IL11RA: variants seen among roughly 807,000 people sequenced by gnomAD.
IL11RA encodes interleukin 11 receptor subunit alpha, also known as interleukin-11 receptor subunit alpha.
IL11RA carries 51 observed loss-of-function variants against 57.0 expected under a neutral mutation model. That is an observed-to-expected ratio of 0.89 (90% CI 0.71 to 1.13). The LOEUF (loss-of-function observed/expected upper bound fraction) is 1.13. IL11RA is among the 50% of genes most tolerant of loss of function. The pLI, the probability that IL11RA is intolerant of heterozygous loss-of-function variation, is 0.00. For synonymous variants in IL11RA, 199 were observed against 217.5 expected (o/e 0.91, Z 0.75); for missense variants, 498 against 539.4 (o/e 0.92, Z 0.76).
chr9:34,659,077 G>A (rs1159535411), intron 8 of IL11RA, among the ~76,000 whole-genome samples: 7 of 151,960 alleles, frequency 4.6e-5, no homozygotes, highest in African/African-American at 1.5e-4. Context: ...GGTGCCCGCC[G>A]CCATGCCTGG....
chr9:34,655,858 G>T (rs1267988560), intron 3 of IL11RA, 193 bp downstream of exon 3: 5 of 654,140 alleles, frequency 7.6e-6, no homozygotes, highest in Non-Finnish European at 8.4e-6. Context: ...CCAAGTGCCA[G>T]GTCTATTCTA....
In IL11RA at chr9:34,661,520, A is replaced by C. The variant is rs1821456507; in HGVS notation, c.*22A>C. The stretch of plus-strand genomic sequence containing the variant: ...GTAGAGGACCCAGGAGGGCTTCGGC[A>C]GATTCCACCTATAATTCTGTCTTGC... On this transcript the variant is annotated 3_prime_UTR_variant, in exon 13 of 13. Coordinates refer to ENST00000441545, the MANE Select transcript of IL11RA (RefSeq NM_001142784.3). The C allele has an allele frequency of 1.9e-6, 3 of 1,612,952 alleles. No homozygotes were observed. Among genetic ancestry groups the C allele is most frequent in the Non-Finnish European group, 2.5e-6 (3 of 1,179,012 alleles).
chr9:34,657,224 G>T (rs951958006), intron 5 of IL11RA, 75 bp downstream of exon 5: 1 of 1,609,860 alleles, frequency 6.2e-7, no homozygotes, highest in Admixed American at 1.7e-5. Context: ...AGGCAGGGAG[G>T]TAGGTTCTGA....
rs574224822 is a variant in IL11RA at position 34,659,852 on chromosome 9, G to GGCACCTGGA, written c.916_924dup (p.Thr306_Ser308dup). ...CAGTGCCCGGGACTTTCTAGATGCT[G>GGCACCTGGA]GCACCTGGAGCACCTGGAGCCCGGA... is the stretch of plus-strand genomic sequence containing the variant. On this transcript the variant is annotated inframe_insertion, in exon 9 of 13. Transcript: ENST00000441545. 158 of 1,614,084 alleles carry GGCACCTGGA rather than the reference G, an allele frequency of 9.8e-5. No individual in the cohort carries two copies. Among genetic ancestry groups the GGCACCTGGA allele is most frequent in the Non-Finnish European group, 1.3e-4 (151 of 1,180,046 alleles).
rs892969541 is a variant in IL11RA, at chr9:34,653,265, G to C, written c.-1+1032G>C. On this transcript the variant is annotated intron_variant, in intron 1 of 12. Transcript: ENST00000441545. The surrounding 1 kb of genome is among the most constrained non-coding windows in gnomAD (Gnocchi z 4.5). ...GTGTAAGTGTGTCTGAGTCTGAGGC[G>C]GTGTGGCTGTGCCCGTGTGACTGTG... 3.3e-5 allele frequency among the ~76,000 whole-genome samples: 5 copies of C among 152,170 alleles called. No individual in the cohort carries two copies. The highest frequency in any genetic ancestry group is 1.2e-4 in the African/African-American group (5 of 41,426).
At chr9:34,652,866 T>C (rs1821277786) in intron 1 of IL11RA, among the ~76,000 whole-genome samples, 1 of 152,206 alleles carries the variant, frequency 6.6e-6, no homozygotes, top group African/African-American at 2.4e-5. Context: ...TCAGGTCTAC[T>C]GCTCCTTATT....
Position 34,661,648 on chromosome 9 carries a change from T to C in IL11RA, c.*150T>C, listed in dbSNP as rs1270873934. On this transcript the variant is annotated 3_prime_UTR_variant, in exon 13 of 13. Transcript: ENST00000441545. ...TCTGTGAGACCCTGTATTTCAAATTTGCAGCTGAAAGGTGCTTGTACCTCT... is the reference window on the plus strand; with the variant it reads ...TCTGTGAGACCCTGTATTTCAAATTCGCAGCTGAAAGGTGCTTGTACCTCT... 3.3e-6 allele frequency: 3 copies of C among 914,662 alleles called. No individual in the cohort carries two copies. The highest frequency in any genetic ancestry group is 1.6e-5 in the African/African-American group (1 of 61,260). 56.7% of individuals were successfully genotyped at this position (914,662 alleles called of 1,614,324 possible).
chr9:34,652,776 C>T (rs1821276584), intron 1 of IL11RA, among the ~76,000 whole-genome samples: 1 of 152,116 alleles, frequency 6.6e-6, no homozygotes, highest in Non-Finnish European at 1.5e-5. Flanking sequence ...ACTGACCTTT[C>T]TCTTAAGTGT....
At chr9:34,655,717 C>G (rs1362384908) in intron 3 of IL11RA, 52 bp downstream of exon 3, 2 of 1,510,608 alleles carry the variant, frequency 1.3e-6, no homozygotes, top group South Asian at 2.3e-5. Flanking sequence ...TTTCTTGACT[C>G]TGCCTAGTCC....
chr9:34,660,711 T>C, intron 11 of IL11RA, 111 bp downstream of exon 11: 2 of 1,197,600 alleles, frequency 1.7e-6, no homozygotes, highest in Non-Finnish European at 1.3e-6. Flanking sequence ...TGTCTGATTC[T>C]GGAACTACCT....
chr9:34,661,513 C>T lies in IL11RA; in HGVS notation c.*15C>T. 1 of 1,613,492 alleles carries T rather than the reference C, an allele frequency of 6.2e-7. No homozygotes were observed. The highest frequency in any genetic ancestry group is 8.5e-7 in the Non-Finnish European group (1 of 1,179,558). On this transcript the variant is annotated 3_prime_UTR_variant, in exon 13 of 13. Coordinates refer to ENST00000441545, the MANE Select transcript of IL11RA (RefSeq NM_001142784.3). The stretch of plus-strand genomic sequence containing the variant: ...CAAACCTGTAGAGGACCCAGGAGGG[C>T]TTCGGCAGATTCCACCTATAATTCT...
In IL11RA at chr9:34,655,562, G is replaced by C. The variant is rs372249939; in HGVS notation, c.101-43G>C. 5.1e-6 allele frequency: 8 copies of C among 1,569,836 alleles called. No homozygotes were observed. The South Asian group carries it at 8.9e-5, about 17-fold the overall frequency. On this transcript the variant is annotated intron_variant, in intron 2 of 12. Transcript: ENST00000441545. ...ATCTGTCATTCTCACAAAGTGGGGA[G>C]GGGGGTAAAGGAAGAGCCTTACCTC... is the stretch of plus-strand genomic sequence containing the variant.
In IL11RA at chr9:34,660,228, G is replaced by A. The variant is rs200928223; in HGVS notation, c.953-46G>A. 3.3e-4 allele frequency: 531 copies of A among 1,613,926 alleles called. 1 individual carries two copies. In the African/African-American group the frequency reaches 5.5e-3, roughly 17 times the overall value. ...GCCTTGAGCACAGGACGTGACCCCC[G>A]TCCCCACCAGCGTATGGACACTTAT... is the stretch of plus-strand genomic sequence containing the variant. On this transcript the variant is annotated intron_variant, in intron 9 of 12. Coordinates refer to ENST00000441545, the MANE Select transcript of IL11RA (RefSeq NM_001142784.3).
At chr9:34,656,662 C>G (rs1821348250) in intron 3 of IL11RA, 77 bp from the exon 4 acceptor site, 1 of 1,532,456 alleles carries the variant, frequency 6.5e-7, no homozygotes, top group Admixed American at 1.7e-5. Flanking sequence ...AGTTAGAAGC[C>G]AATGGAGAGC....
At chr9:34,656,680 T>C in intron 3 of IL11RA, 59 bp from the exon 4 acceptor site, 1 of 1,584,910 alleles carries the variant, frequency 6.3e-7, no homozygotes, top group Non-Finnish European at 8.7e-7. Context: ...AGCTGTGGCA[T>C]GGTCTGACTT....
rs1238717459 is a variant in IL11RA, at chr9:34,658,635, C to T, written c.762C>T (p.Leu254=). Residue 254 remains leucine, a synonymous_variant, in exon 8 of 13, where the codon CTC becomes CTT. Transcript: ENST00000441545. The surrounding 1 kb of genome is among the most constrained non-coding windows in gnomAD (Gnocchi z 4.0). ...GGCCGTGCCAGCCCCACTTCCTGCT[C>T]AAGTTCCGTTTGCAGTACCGTCCGG... is the stretch of plus-strand genomic sequence containing the variant. ...ASWPCQPHFL[L]KFRLQYRPAQ... The T allele has an allele frequency of 6.2e-7, 1 of 1,614,088 alleles. No homozygotes were observed. The highest frequency in any genetic ancestry group is 8.5e-7 in the Non-Finnish European group (1 of 1,180,046).
chr9:34,654,374 G>A (rs117579366), intron 1 of IL11RA, among the ~76,000 whole-genome samples: 4,782 of 152,180 alleles, frequency 0.031, 102 homozygotes, highest in South Asian at 0.1. Context: ...ATCTCTTGGT[G>A]CTGTGGCCCC....
intron 1 of IL11RA, among the ~76,000 whole-genome samples, chr9:34,652,818 T>G (rs1340746494): frequency 6.6e-6 from 1 of 152,182 alleles, no homozygotes; most frequent in Non-Finnish European, 1.5e-5. Flanking sequence ...ACAACACACG[T>G]GGCTTCCCCT....
In IL11RA at chr9:34,657,311, C is replaced by T. The variant is rs745660566; in HGVS notation, c.455C>T (p.Thr152Ile). The T allele has an allele frequency of 5.0e-6, 8 of 1,614,074 alleles. No individual in the cohort carries two copies. The South Asian group carries it at 8.8e-5, about 18-fold the overall frequency. Residue 152 changes from threonine (T) to isoleucine (I), a missense_variant, in exon 6 of 13, where the codon ACA (threonine) becomes ATA (isoleucine). Coordinates refer to ENST00000441545, the MANE Select transcript of IL11RA (RefSeq NM_001142784.3). ...GGCCCCCTCCCCACCAGGAAGAAGACAGTCCTAGGAGCTGATAGCCAGAGG... is the reference window on the plus strand; with the variant it reads ...GGCCCCCTCCCCACCAGGAAGAAGATAGTCCTAGGAGCTGATAGCCAGAGG... Reference protein sequence around the residue: ...TRYLTSYRKKTVLGADSQRRS... With the variant: ...TRYLTSYRKKIVLGADSQRRS...
Sources: allele counts gnomAD v4.1 joint callset (sites outside exome capture counted in the v4.1 genomes callset), GRCh38; gene constraint gnomAD v4.1.1; non-coding constraint Gnocchi (gnomAD v3.1); transcripts MANE v1.5; gene names NCBI Gene and HGNC (gene_info 2026-07-23, HGNC 2026-07-21).